The following CD2AP variants were observed in gnomAD, a reference collection of about 807,000 sequenced individuals.
CD2AP encodes the protein CD2 associated protein.
Under a neutral mutation model 85.1 loss-of-function variants are expected in CD2AP, and 46 were observed. The ratio of observed to expected loss-of-function variants is 0.54; its 90% confidence interval spans 0.43 to 0.69. The LOEUF is 0.69. Among genes scored for constraint, CD2AP ranks in the 30% least tolerant of loss-of-function variants. The pLI, the probability that CD2AP is intolerant of heterozygous loss-of-function variation, is 0.00. For missense variants in CD2AP, 769 were observed against 729.5 expected (o/e 1.05, Z -0.62); for synonymous variants, 255 against 252.9 (o/e 1.01, Z -0.08).
chr6:47,623,720 T>C (rs1275198167), intron 17 of CD2AP, among the ~76,000 whole-genome samples: 3 of 152,146 alleles, frequency 2.0e-5, no homozygotes, highest in Non-Finnish European at 4.4e-5. Flanking sequence ...GATAAGTAAA[T>C]TGAAACCAAG....
chr6:47,562,190 T>C (rs1345969459), intron 5 of CD2AP, among the ~76,000 whole-genome samples: 2 of 152,198 alleles, frequency 1.3e-5, no homozygotes, highest in African/African-American at 4.8e-5. Context: ...ATATTAGGCT[T>C]GAAAGGATGA....
chr6:47,567,041 C>A, intron 5 of CD2AP, among the ~76,000 whole-genome samples: 1 of 151,346 alleles, frequency 6.6e-6, no homozygotes, highest in Admixed American at 6.6e-5. Flanking sequence ...TATTTAACTA[C>A]TGAGTGGTAA....
chr6:47,607,769 C>T (rs1769314192), intron 14 of CD2AP, 158 bp from the exon 15 acceptor site: 5 of 561,158 alleles, frequency 8.9e-6, no homozygotes, highest in Admixed American at 3.0e-5. Context: ...ATGTGTTATT[C>T]AGCTTGAAAG....
intron 4 of CD2AP, among the ~76,000 whole-genome samples, chr6:47,548,861 A>C (rs530312517): frequency 6.6e-6 from 1 of 152,230 alleles, no homozygotes; most frequent in African/African-American, 2.4e-5. Flanking sequence ...CACCACGATC[A>C]AGTGGGTTTC....
intron 1 of CD2AP, among the ~76,000 whole-genome samples, chr6:47,500,186 C>T (rs761663920): frequency 1.3e-4 from 20 of 152,092 alleles, no homozygotes; most frequent in Non-Finnish European, 2.8e-4. Context: ...TGTAGATTAA[C>T]CCTTCAGTTT....
rs559863809 is a variant in CD2AP at position 47,510,599 on chromosome 6, A to C, written c.165+7159A>C. Among the ~76,000 whole-genome samples, 7 of 152,354 alleles carry C rather than the reference A, an allele frequency of 4.6e-5. No individual in the cohort carries two copies. In the East Asian group the frequency reaches 9.6e-4, roughly 21 times the overall value. The stretch of plus-strand genomic sequence containing the variant: ...CACAATAATCTAGTATTTGATTTTT[A>C]TGTAAAATACAGCATAAGTATACAT... On this transcript the variant is annotated intron_variant, in intron 2 of 17. Coordinates refer to ENST00000359314, the MANE Select transcript of CD2AP (RefSeq NM_012120.3).
intron 3 of CD2AP, 68 bp from the exon 4 acceptor site, chr6:47,544,538 C>T (rs972392667): frequency 7.3e-6 from 7 of 961,580 alleles, no homozygotes; most frequent in Admixed American, 3.4e-5. Context: ...CTAAACATGG[C>T]ATGTAAATAT....
intron 1 of CD2AP, among the ~76,000 whole-genome samples, chr6:47,500,791 G>C (rs1315060330): frequency 6.7e-6 from 1 of 150,000 alleles, no homozygotes; most frequent in Non-Finnish European, 1.5e-5. Flanking sequence ...CTGTCACCCA[G>C]GCTGGTGTGC....
chr6:47,503,226 T>C (rs1766043303), intron 1 of CD2AP, 54 bp from the exon 2 acceptor site: 1 of 1,474,548 alleles, frequency 6.8e-7, no homozygotes, highest in Non-Finnish European at 9.5e-7. Context: ...TAATATAGTT[T>C]ACAGTATTTT....
At chr6:47,578,871 G>GAA (rs1222529946) in intron 8 of CD2AP, among the ~76,000 whole-genome samples, 1 of 151,792 alleles carries the variant, frequency 6.6e-6, no homozygotes, top group African/African-American at 2.4e-5. Context: ...TGGTCAGGCT[G>GAA]GTCTCAAACT....
intron 5 of CD2AP, among the ~76,000 whole-genome samples, chr6:47,572,750 GTTTA>G (rs1020600565): frequency 2.6e-5 from 4 of 152,144 alleles, no homozygotes; most frequent in Non-Finnish European, 5.9e-5. Context: ...CTTTGTCCAA[GTTTA>G]TTTATTTGTA....
intron 13 of CD2AP, among the ~76,000 whole-genome samples, chr6:47,604,973 G>A (rs936335466): frequency 6.6e-6 from 1 of 151,766 alleles, no homozygotes; most frequent in African/African-American, 2.4e-5. Flanking sequence ...CTTTTTTTCT[G>A]CCTTACCTTT....
chr6:47,586,292 T>TG (rs1217780701), intron 11 of CD2AP, among the ~76,000 whole-genome samples: 2 of 152,154 alleles, frequency 1.3e-5, no homozygotes, highest in Non-Finnish European at 2.9e-5. Flanking sequence ...CTGAATGGAA[T>TG]GTCCAGTAGA....
At chr6:47,540,268 T>C (rs576214994) in intron 3 of CD2AP, among the ~76,000 whole-genome samples, 4 of 151,652 alleles carry the variant, frequency 2.6e-5, no homozygotes, top group African/African-American at 7.3e-5. Flanking sequence ...TATTGACACC[T>C]CTCTTCTTTT....
chr6:47,575,566 G>T (rs530002745), intron 6 of CD2AP, among the ~76,000 whole-genome samples: 1 of 152,220 alleles, frequency 6.6e-6, no homozygotes, highest in South Asian at 2.1e-4. Context: ...GTTTAGAGTT[G>T]GGGAAAACTA....
intron 16 of CD2AP, among the ~76,000 whole-genome samples, chr6:47,610,277 A>G (rs1769395042): frequency 6.6e-6 from 1 of 152,126 alleles, no homozygotes; most frequent in Non-Finnish European, 1.5e-5. Flanking sequence ...TTTAAGCACA[A>G]TTCTACAAAA....
At chr6:47,554,909 T>C (rs1411218320) in intron 5 of CD2AP, 143 bp downstream of exon 5, 2 of 670,246 alleles carry the variant, frequency 3.0e-6, no homozygotes, top group East Asian at 2.8e-5. Flanking sequence ...AAGCAAATTA[T>C]GATGGGGACC....
At chr6:47,574,723 T>C (rs1768257372) in intron 6 of CD2AP, among the ~76,000 whole-genome samples, 1 of 152,036 alleles carries the variant, frequency 6.6e-6, no homozygotes, top group African/African-American at 2.4e-5. Context: ...TCATTAAATT[T>C]ACTAAACTTC....
intron 2 of CD2AP, among the ~76,000 whole-genome samples, chr6:47,512,434 C>G (rs1308897351): frequency 2.6e-5 from 4 of 152,168 alleles, no homozygotes; most frequent in Non-Finnish European, 5.9e-5. Context: ...AAAAAACTCA[C>G]GTCCCTGTTA....
Sources: allele counts gnomAD v4.1 joint callset (sites outside exome capture counted in the v4.1 genomes callset), GRCh38; gene constraint gnomAD v4.1.1; transcripts MANE v1.5; gene names NCBI Gene and HGNC (gene_info 2026-07-23, HGNC 2026-07-21).